The following ABL2 variants were observed in gnomAD, a reference collection of about 807,000 sequenced individuals.
ABL2 encodes the protein tyrosine-protein kinase ABL2.
Under a neutral mutation model 107.7 loss-of-function variants are expected in ABL2, and 49 were observed. The observed-to-expected ratio is 0.45, with a 90% CI of 0.36 to 0.58. The LOEUF (loss-of-function observed/expected upper bound fraction) is 0.58. Among genes scored for constraint, ABL2 ranks in the 20% least tolerant of loss-of-function variants. ABL2 has a pLI of 0.00. For missense variants in ABL2, 1,245 were observed against 1,457.0 expected (o/e 0.85, Z 2.37); for synonymous variants, 549 against 548.6 (o/e 1.00, Z -0.01).
intron 1 of ABL2, among the ~76,000 whole-genome samples, chr1:179,169,998 G>C (rs1659626580): frequency 6.6e-6 from 1 of 152,238 alleles, no homozygotes; most frequent in African/African-American, 2.4e-5. Flanking sequence ...CTGCACTCCA[G>C]CCTGGGTGAC....
At position 179,100,357 on chromosome 1, in the gene ABL2, T is replaced by C. The variant is rs981653316; in HGVS notation, c.*7361A>G. The C allele has an allele frequency of 1.3e-5, 3 of 227,546 alleles. No individual in the cohort carries two copies. The highest frequency in any genetic ancestry group is 2.6e-5 in the Non-Finnish European group (3 of 114,582). 14.1% of individuals were successfully genotyped at this position (227,546 alleles called of 1,614,324 possible). On this transcript the variant is annotated 3_prime_UTR_variant, in exon 12 of 12. Transcript: ENST00000502732. ...CTTCTGAACTGTGCAGAACAGTATC[T>C]GAGGTTTACTGTTGATGACACTAAA...
At chr1:179,142,598 T>C (rs994819850) in intron 1 of ABL2, among the ~76,000 whole-genome samples, 1 of 152,238 alleles carries the variant, frequency 6.6e-6, no homozygotes, top group East Asian at 1.9e-4. Context: ...TTTATCTGAC[T>C]GTATATTCTC....
Position 179,107,461 on chromosome 1 carries a change from C to T in ABL2, c.*257G>A, listed in dbSNP as rs1653543871. The T allele has an allele frequency of 1.9e-6, 1 of 515,754 alleles. No homozygotes were observed. 31.9% of individuals were successfully genotyped at this position (515,754 alleles called of 1,614,324 possible). A position where few individuals can be genotyped will look rare whatever the true frequency, so the allele number is the denominator to read the frequency against. Reference sequence around the variant, plus strand: ...GCCTTCCTTATGACATACACATGTTCCCTATTTTCCAGTGCAGTTTCCAAC... The same window carrying T: ...GCCTTCCTTATGACATACACATGTTTCCTATTTTCCAGTGCAGTTTCCAAC... On this transcript the variant is annotated 3_prime_UTR_variant, in exon 12 of 12. Transcript: ENST00000502732.
intron 1 of ABL2, among the ~76,000 whole-genome samples, chr1:179,225,008 A>T (rs772687937): frequency 6.6e-6 from 1 of 152,200 alleles, no homozygotes; most frequent in African/African-American, 2.4e-5. Flanking sequence ...CCTGGGTGGC[A>T]GAGCAAGACC....
rs761035577 is a variant in ABL2 at position 179,131,484 on chromosome 1, G to A, written c.221-3C>T. The A allele has an allele frequency of 3.7e-6, 6 of 1,613,066 alleles. No homozygotes were observed. In the East Asian group the frequency reaches 1.1e-4, roughly 30 times the overall value. On this transcript the variant is annotated splice_polypyrimidine_tract_variant and splice_region_variant and intron_variant, in intron 2 of 11. Coordinates refer to ENST00000502732, the MANE Select transcript of ABL2 (RefSeq NM_007314.4). ...ACCATAGGGACGATGCAAAGCTTCT[G>A]AAAGACATAAGAAGGGAAGGGAATT...
chr1:179,139,261 A>G (rs905709788), intron 1 of ABL2, among the ~76,000 whole-genome samples: 9 of 152,276 alleles, frequency 5.9e-5, no homozygotes, highest in South Asian at 2.1e-4. Context: ...TGAAGCCAGC[A>G]AGACCACGAG....
In ABL2 at chr1:179,102,881, A is replaced by T. The variant is rs1653219430; in HGVS notation, c.*4837T>A. 1 of 226,178 alleles carries T rather than the reference A, an allele frequency of 4.4e-6. No individual in the cohort carries two copies. 14.0% of individuals were successfully genotyped at this position (226,178 alleles called of 1,614,324 possible). A position where few individuals can be genotyped will look rare whatever the true frequency, so the allele number is the denominator to read the frequency against. On this transcript the variant is annotated 3_prime_UTR_variant, in exon 12 of 12. Coordinates refer to ENST00000502732, the MANE Select transcript of ABL2 (RefSeq NM_007314.4). ...ATGACAAATGTCAATGTCATTTATA[A>T]CTGGTAGGAAATCCTAGAAAAGTAA...
At chr1:179,129,648 C>T (rs1404390812) in intron 3 of ABL2, among the ~76,000 whole-genome samples, 1 of 150,400 alleles carries the variant, frequency 6.6e-6, no homozygotes, top group Non-Finnish European at 1.5e-5. Context: ...TGCCACTGCA[C>T]TCCAGCCTGG....
intron 1 of ABL2, chr1:179,184,615 G>A (rs984099822): frequency 7.5e-6 from 4 of 531,162 alleles, no homozygotes; most frequent in Non-Finnish European, 1.4e-5. Context: ...AGAAGATATT[G>A]ATGAAGAAGG....
intron 1 of ABL2, among the ~76,000 whole-genome samples, chr1:179,169,420 C>T (rs1198803742): frequency 1.3e-5 from 2 of 151,894 alleles, no homozygotes; most frequent in African/African-American, 4.8e-5. Flanking sequence ...TGGTGGCGGG[C>T]ACCTGTAGTC....
rs920598029 is a variant in ABL2, at chr1:179,106,566, A to C, written c.*1152T>G. 3.0e-5 allele frequency: 7 copies of C among 232,930 alleles called. No homozygotes were observed. Among genetic ancestry groups the C allele is most frequent in the Middle Eastern group, 1.2e-3 (1 of 808 alleles). 14.4% of individuals were successfully genotyped at this position (232,930 alleles called of 1,614,324 possible). The stretch of plus-strand genomic sequence containing the variant: ...GGTGATTCACTTCAAATCCATAGAG[A>C]GGAGAATGCCTCTCCCTATTCTCTA... On this transcript the variant is annotated 3_prime_UTR_variant, in exon 12 of 12. Transcript: ENST00000502732.
At chr1:179,145,947 G>C (rs1016193177) in intron 1 of ABL2, among the ~76,000 whole-genome samples, 2 of 149,160 alleles carry the variant, frequency 1.3e-5, no homozygotes, top group Non-Finnish European at 1.5e-5. Flanking sequence ...AGGCTGGGGT[G>C]CAGTGGCGTG....
intron 5 of ABL2, 95 bp downstream of exon 5, chr1:179,121,500 A>C (rs1292167158): frequency 2.0e-6 from 3 of 1,487,032 alleles, no homozygotes; most frequent in Non-Finnish European, 2.7e-6. Flanking sequence ...GTGGGTGGAA[A>C]GTGTTCCAAA....
intron 1 of ABL2, among the ~76,000 whole-genome samples, chr1:179,204,192 A>T (rs1461738204): frequency 6.6e-6 from 1 of 151,840 alleles, no homozygotes; most frequent in Non-Finnish European, 1.5e-5. Context: ...ACGCCCAGCT[A>T]ATTTTTGTAT....
intron 1 of ABL2, among the ~76,000 whole-genome samples, chr1:179,157,489 T>C (rs1225971855): frequency 6.6e-6 from 1 of 151,058 alleles, no homozygotes; most frequent in East Asian, 2.0e-4. Flanking sequence ...AGAGGGAGAC[T>C]GTCTCAAAAA....
At chr1:179,139,169 A>C (rs1233497879) in intron 1 of ABL2, among the ~76,000 whole-genome samples, 2 of 152,102 alleles carry the variant, frequency 1.3e-5, no homozygotes, top group Non-Finnish European at 2.9e-5. Flanking sequence ...CTTTGCAATA[A>C]ATCTTGCTAC....
chr1:179,143,821 C>T (rs900548718), intron 1 of ABL2, among the ~76,000 whole-genome samples: 10 of 152,172 alleles, frequency 6.6e-5, no homozygotes, highest in Admixed American at 2.0e-4. Context: ...CTCAGCCTCC[C>T]AGGTGACTGC....
At chr1:179,196,920 A>T (rs1291082287) in intron 1 of ABL2, among the ~76,000 whole-genome samples, 1 of 152,226 alleles carries the variant, frequency 6.6e-6, no homozygotes, top group Non-Finnish European at 1.5e-5. Flanking sequence ...CAGAAATAAA[A>T]GACATAATAA....
In ABL2 at chr1:179,130,863, G is replaced by A. The variant is rs571601694; in HGVS notation, c.391+448C>T. On this transcript the variant is annotated intron_variant, in intron 3 of 11. Coordinates refer to ENST00000502732, the MANE Select transcript of ABL2 (RefSeq NM_007314.4). ...CTTGTGTACATGAACTGGATTGCTA[G>A]TCTGCCTAAGCTTATTCTTACCTTT... Among the ~76,000 whole-genome samples the A allele has an allele frequency of 1.3e-3, 197 of 151,916 alleles. 2 individuals carry two copies. Among genetic ancestry groups the A allele is most frequent in the African/African-American group, 4.4e-3 (182 of 41,436 alleles).
Sources: gnomAD v4.1 joint callset for allele counts (sites outside exome capture counted in the v4.1 genomes callset) on GRCh38, gnomAD v4.1.1 for gene constraint, MANE v1.5 for transcripts, NCBI Gene and HGNC (gene_info 2026-07-23, HGNC 2026-07-21) for gene names.